ATXN7L1: variants seen among roughly 807,000 people sequenced by gnomAD.
ATXN7L1 encodes ataxin-7-like protein 1.
ATXN7L1 carries 15 observed loss-of-function variants against 70.8 expected under a neutral mutation model. The observed-to-expected ratio is 0.21, with a 90% CI of 0.14 to 0.33. ATXN7L1 has a LOEUF of 0.33. ATXN7L1 is among the 10% of genes least tolerant of loss of function. The probability of loss-of-function intolerance (pLI) is 1.00; values close to 1 mark genes in which losing one functional copy is unlikely to be tolerated. For synonymous variants in ATXN7L1, 440 were observed against 445.1 expected (o/e 0.99, Z 0.14); for missense variants, 975 against 1,097.1 (o/e 0.89, Z 1.57).
intron 3 of ATXN7L1, among the ~76,000 whole-genome samples, chr7:105,755,541 A>C (rs1799705127): frequency 6.6e-6 from 1 of 152,180 alleles, no homozygotes; most frequent in African/African-American, 2.4e-5. Context: ...AACGTGGAAA[A>C]AAATAAAGAC....
At chr7:105,860,128 A>AATATATATATATATATAT (rs1470485018) in intron 2 of ATXN7L1, among the ~76,000 whole-genome samples, 1 of 70,800 alleles carries the variant, frequency 1.4e-5, no homozygotes, top group Non-Finnish European at 2.7e-5. Flanking sequence ...TTTATATGTA[A>AATATATATATATATATAT]ATATATATAT....
chr7:105,612,898 G>C (rs937680001), intron 10 of ATXN7L1, among the ~76,000 whole-genome samples: 9 of 152,228 alleles, frequency 5.9e-5, no homozygotes, highest in African/African-American at 2.2e-4. Flanking sequence ...GATGGGGCTG[G>C]GCTTGGGGTT....
At chr7:105,860,544 C>T (rs1816472520) in intron 2 of ATXN7L1, among the ~76,000 whole-genome samples, 1 of 152,104 alleles carries the variant, frequency 6.6e-6, no homozygotes, top group Non-Finnish European at 1.5e-5. Flanking sequence ...AATCAAAAAA[C>T]CTCATAGGCC....
intron 4 of ATXN7L1, among the ~76,000 whole-genome samples, chr7:105,644,763 T>C (rs191123524): frequency 6.6e-6 from 1 of 152,360 alleles, no homozygotes; most frequent in Admixed American, 6.5e-5. Context: ...GGCTTATTCC[T>C]TGACACATTT....
At chr7:105,633,218 A>T (rs1721476) in intron 7 of ATXN7L1, among the ~76,000 whole-genome samples, 1 of 152,248 alleles carries the variant, frequency 6.6e-6, no homozygotes, top group South Asian at 2.1e-4. Flanking sequence ...ACCTCCCACA[A>T]ATCTTTTCAC....
In ATXN7L1 at chr7:105,846,158, T is replaced by C. The variant is rs59004127; in HGVS notation, c.250+29654A>G. 1.9e-3 allele frequency among the ~76,000 whole-genome samples: 283 copies of C among 152,220 alleles called. 2 individuals carry two copies. Among genetic ancestry groups the C allele is most frequent in the African/African-American group, 6.4e-3 (266 of 41,534 alleles). On this transcript the variant is annotated intron_variant, in intron 2 of 11. Coordinates refer to ENST00000419735, the MANE Select transcript of ATXN7L1 (RefSeq NM_020725.2). ...TGCAAATTATATCTGATAAGAAATA[T>C]ATAATTTCTTATACATATCCAGAAT... is the stretch of plus-strand genomic sequence containing the variant.
intron 4 of ATXN7L1, among the ~76,000 whole-genome samples, chr7:105,658,536 T>C (rs1348234621): frequency 6.8e-6 from 1 of 147,084 alleles, no homozygotes; most frequent in East Asian, 2.0e-4. Context: ...TTTTTTTTTT[T>C]TTTTTTTTGA....
At chr7:105,822,531 T>C (rs1250084018) in intron 2 of ATXN7L1, among the ~76,000 whole-genome samples, 1 of 152,218 alleles carries the variant, frequency 6.6e-6, no homozygotes, top group African/African-American at 2.4e-5. Flanking sequence ...GGAGAAGTTA[T>C]TGGCTGGGGC....
At chr7:105,736,695 A>C (rs973961079) in intron 3 of ATXN7L1, among the ~76,000 whole-genome samples, 4 of 152,164 alleles carry the variant, frequency 2.6e-5, no homozygotes, top group Non-Finnish European at 5.9e-5. Context: ...CCCTAAAGCA[A>C]TTGTTCCAGA....
rs144835856 is a variant in ATXN7L1, at chr7:105,732,191, C to T, written c.355+56413G>A. Among the ~76,000 whole-genome samples the T allele has an allele frequency of 3.3e-5, 5 of 152,276 alleles. No individual in the cohort carries two copies. The East Asian group carries it at 9.7e-4, about 29-fold the overall frequency. On this transcript the variant is annotated intron_variant, in intron 3 of 11. Transcript: ENST00000419735. ...TTGAGAGGCCAAGGTGGGCAGATCA[C>T]CTTAGGTCAGGGGTTCGAGACTAGC...
intron 3 of ATXN7L1, among the ~76,000 whole-genome samples, chr7:105,671,297 ATTTATTT>A (rs1562982425): frequency 6.6e-6 from 1 of 150,888 alleles, no homozygotes; most frequent in East Asian, 1.9e-4. Context: ...AAAAAAAAAA[ATTTATTT>A]AAAAAGTGAT....
At chr7:105,727,220 A>G (rs1375226872) in intron 3 of ATXN7L1, among the ~76,000 whole-genome samples, 1 of 152,174 alleles carries the variant, frequency 6.6e-6, no homozygotes, top group African/African-American at 2.4e-5. Context: ...AGCACTGCCA[A>G]TATTAACAGG....
At position 105,614,638 on chromosome 7, in the gene ATXN7L1, C is replaced by T. The variant is rs1352364916; in HGVS notation, c.1696G>A (p.Ala566Thr). The change falls in exon 10 of 12, where the codon GCA becomes ACA. Residue 566 changes from alanine to threonine, a missense_variant. By Grantham distance (58) the Ala-to-Thr change is moderately conservative. Coordinates refer to ENST00000419735, the MANE Select transcript of ATXN7L1 (RefSeq NM_020725.2). The surrounding 1 kb of genome is among the most constrained non-coding windows in gnomAD (Gnocchi z 4.3). ...YIMTSAMLSNAAFVTSPDPSA... is the reference protein window; with the variant it reads ...YIMTSAMLSNTAFVTSPDPSA... ...GGGTCCGGCGATGTCACGAAAGCTGCGTTTGAGAGCATGGCTGATGTCATT... is the reference window on the plus strand; with the variant it reads ...GGGTCCGGCGATGTCACGAAAGCTGTGTTTGAGAGCATGGCTGATGTCATT... 5 of 1,551,610 alleles carry T rather than the reference C, an allele frequency of 3.2e-6. No homozygotes were observed. The highest frequency in any genetic ancestry group is 2.4e-5 in the South Asian group (2 of 84,050).
At chr7:105,721,346 T>G (rs1168819103) in intron 3 of ATXN7L1, among the ~76,000 whole-genome samples, 1 of 152,068 alleles carries the variant, frequency 6.6e-6, no homozygotes, top group African/African-American at 2.4e-5. Flanking sequence ...ACTCAAAAAA[T>G]AAAGGGTTGG....
Position 105,613,546 on chromosome 7 carries a change from A to G in ATXN7L1, c.2472+316T>C, listed in dbSNP as rs116336028. 6.6e-4 allele frequency: 851 copies of G among 1,280,866 alleles called. 5 individuals are homozygous for G. In the African/African-American group the frequency reaches 0.012, roughly 18 times the overall value. 79.3% of individuals were successfully genotyped at this position (1,280,866 alleles called of 1,614,324 possible). A position where few individuals can be genotyped will look rare whatever the true frequency, so the allele number is the denominator to read the frequency against. ...TAAAACTGACCGATGTGGAGTGGGG[A>G]ACTCAGAATCTCTCTGTGCCTCAGT... On this transcript the variant is annotated intron_variant, in intron 10 of 11. Transcript: ENST00000419735.
chr7:105,681,376 T>C (rs903465927), intron 3 of ATXN7L1, among the ~76,000 whole-genome samples: 4 of 152,148 alleles, frequency 2.6e-5, no homozygotes, highest in Non-Finnish European at 5.9e-5. Flanking sequence ...CCCACTGGGA[T>C]AGCTGTTAAC....
chr7:105,855,617 G>A (rs1452544318), intron 2 of ATXN7L1, among the ~76,000 whole-genome samples: 1 of 152,106 alleles, frequency 6.6e-6, no homozygotes, highest in East Asian at 1.9e-4. Flanking sequence ...AGAAAGTGAT[G>A]GAGAAAATTT....
chr7:105,702,545 A>AACACAC (rs10541042), intron 3 of ATXN7L1, among the ~76,000 whole-genome samples: 6 of 150,170 alleles, frequency 4.0e-5, no homozygotes, highest in Non-Finnish European at 8.9e-5. Context: ...ACAGACCCAC[A>AACACAC]ACACACACAC....
intron 4 of ATXN7L1, among the ~76,000 whole-genome samples, chr7:105,652,572 C>CTGCT (rs972425611): frequency 9.9e-5 from 15 of 152,224 alleles, no homozygotes; most frequent in Non-Finnish European, 1.9e-4. Context: ...GAGCTGTAGG[C>CTGCT]TGCTCTGCAG....
Sources: gnomAD v4.1 joint callset for allele counts (sites outside exome capture counted in the v4.1 genomes callset) on GRCh38, gnomAD v4.1.1 for gene constraint, Gnocchi (gnomAD v3.1) non-coding constraint, MANE v1.5 for transcripts, NCBI Gene and HGNC (gene_info 2026-07-23, HGNC 2026-07-21) for gene names.